CRYBB2: variants seen among roughly 807,000 people sequenced by gnomAD.
CRYBB2 encodes the protein crystallin beta B2.
A neutral mutation model predicts 24.3 loss-of-function variants in CRYBB2; 12 were observed. That is an observed-to-expected ratio of 0.49 (90% CI 0.32 to 0.80). CRYBB2 has a LOEUF of 0.80. CRYBB2 is among the 30% of genes least tolerant of loss of function. The pLI, the probability that CRYBB2 is intolerant of heterozygous loss-of-function variation, is 0.04. For synonymous variants in CRYBB2, 98 were observed against 101.6 expected (o/e 0.96, Z 0.21); for missense variants, 198 against 268.5 (o/e 0.74, Z 1.83).
rs887265137 is a variant in CRYBB2, at chr22:25,231,601, C to A, written c.450-3C>A. 9.3e-6 allele frequency: 15 copies of A among 1,613,954 alleles called. No homozygotes were observed. The highest frequency in any genetic ancestry group is 1.1e-5 in the Non-Finnish European group (13 of 1,179,932). On this transcript the variant is annotated splice_polypyrimidine_tract_variant and splice_region_variant and intron_variant, in intron 5 of 5. Coordinates refer to ENST00000398215, the MANE Select transcript of CRYBB2 (RefSeq NM_000496.3). ...CACCCTCCCATCACCTCTGGCCCTGCAGGTGGGTTGGCTACCAGTACCCCG... is the reference window on the plus strand; with the variant it reads ...CACCCTCCCATCACCTCTGGCCCTGAAGGTGGGTTGGCTACCAGTACCCCG...
intron 5 of CRYBB2, among the ~76,000 whole-genome samples, chr22:25,231,030 C>G (rs932983387): frequency 1.3e-5 from 2 of 152,142 alleles, no homozygotes; most frequent in African/African-American, 4.8e-5. Flanking sequence ...GGCTGGAATG[C>G]AGAGATGTGG....
intron 1 of CRYBB2, among the ~76,000 whole-genome samples, chr22:25,219,871 G>A (rs1290467679): frequency 6.6e-6 from 1 of 152,172 alleles, no homozygotes; most frequent in African/African-American, 2.4e-5. Flanking sequence ...GGATCATCCA[G>A]CACAGTGCCT....
exon 1 of CRYBB2, chr22:25,212,622 G>A (rs76059429): frequency 0.11 from 17,138 of 152,246 alleles, 1,094 homozygotes; most frequent in South Asian, 0.27. Context: ...AAAAGATGCT[G>A]GCTGTGCTTT....
Position 25,224,899 on chromosome 22 carries a change from G to A in CRYBB2, c.55-19G>A. Reference sequence around the variant, plus strand: ...CCTCTTCATCGTGATGAGGGTCTGAGTCTCGCTTCCTCTTGCAGATCATCA... The same window carrying A: ...CCTCTTCATCGTGATGAGGGTCTGAATCTCGCTTCCTCTTGCAGATCATCA... On this transcript the variant is annotated intron_variant, in intron 2 of 5. Transcript: ENST00000398215. 7.4e-7 allele frequency: 1 copy of A among 1,343,572 alleles called. No individual in the cohort carries two copies. Among genetic ancestry groups the A allele is most frequent in the Non-Finnish European group, 1.1e-6 (1 of 932,736 alleles). 83.2% of individuals were successfully genotyped at this position (1,343,572 alleles called of 1,614,324 possible).
intron 3 of CRYBB2, among the ~76,000 whole-genome samples, chr22:25,226,164 T>TTCTC (rs200671614): frequency 1.5e-4 from 16 of 110,182 alleles, no homozygotes; most frequent in Admixed American, 3.1e-4. Flanking sequence ...GAATTTGGAT[T>TTCTC]TCTCTGTGTG....
chr22:25,215,247 C>T (rs758089261), upstream of CRYBB2, among the ~76,000 whole-genome samples: 6 of 152,204 alleles, frequency 3.9e-5, no homozygotes, highest in Admixed American at 6.5e-5. Context: ...ACACCTGGCC[C>T]GCCCATGGTG....
intron 5 of CRYBB2, among the ~76,000 whole-genome samples, chr22:25,231,177 C>T (rs1935524949): frequency 6.6e-6 from 1 of 152,162 alleles, no homozygotes; most frequent in African/African-American, 2.4e-5. Context: ...ACTCTTTCAT[C>T]AGAAGGCCCC....
upstream of CRYBB2, among the ~76,000 whole-genome samples, chr22:25,218,459 C>A (rs1219193457): frequency 6.6e-6 from 1 of 151,394 alleles, no homozygotes; most frequent in Non-Finnish European, 1.5e-5. Context: ...GAGTTTGAGA[C>A]CACCCTGGGC....
At chr22:25,218,688 GA>G (rs757383342), upstream of CRYBB2, among the ~76,000 whole-genome samples, 418 of 69,546 alleles carry the variant, frequency 6.0e-3, 16 homozygotes, top group Non-Finnish European at 6.8e-3. Flanking sequence ...GAGAAAGAAA[GA>G]AAGAGAGAGA....
chr22:25,219,907 G>A (rs1935290131), intron 1 of CRYBB2, among the ~76,000 whole-genome samples: 1 of 152,184 alleles, frequency 6.6e-6, no homozygotes, highest in Admixed American at 6.5e-5. Flanking sequence ...TTGGGGCAAT[G>A]TTCTTTATTA....
chr22:25,224,273 G>A (rs1420454062), intron 2 of CRYBB2, among the ~76,000 whole-genome samples: 1 of 152,110 alleles, frequency 6.6e-6, no homozygotes. Context: ...CCTCCCTTGG[G>A]CTGATGAGAA....
rs1450979441 is a variant in CRYBB2 at position 25,221,386 on chromosome 22, G to C, written c.-26-18G>C. 1 of 1,564,992 alleles carries C rather than the reference G, an allele frequency of 6.4e-7. No individual in the cohort carries two copies. Among genetic ancestry groups the C allele is most frequent in the Non-Finnish European group, 8.8e-7 (1 of 1,135,510 alleles). On this transcript the variant is annotated intron_variant, in intron 1 of 5. Coordinates refer to ENST00000398215, the MANE Select transcript of CRYBB2 (RefSeq NM_000496.3). ...GTGGCCCCTCCAGGTCCTCACTGCT[G>C]CTTCCCATGTCTTCCAGGTCATTCC...
At chr22:25,218,805 A>AG (rs1935260278), upstream of CRYBB2, among the ~76,000 whole-genome samples, 1 of 120,716 alleles carries the variant, frequency 8.3e-6, no homozygotes, top group African/African-American at 3.6e-5. Flanking sequence ...AAAGAAAGAA[A>AG]GAAAGAAAGA....
rs189561690 is a variant in CRYBB2 at position 25,214,199 on chromosome 22, A to G, written c.-27+1359A>G. Among the ~76,000 whole-genome samples, 143 of 152,318 alleles carry G rather than the reference A, an allele frequency of 9.4e-4. 1 individual carries two copies. The highest frequency in any genetic ancestry group is 5.6e-4 in the Non-Finnish European group (38 of 68,024). On this transcript the variant is annotated intron_variant, in intron 1 of 5. Transcript: ENST00000651629. ...AAAAAATTTTTTTAATTAGCTGTGC[A>G]CAGATGTGAAAACCTGTAGTCTGAG...
upstream of CRYBB2, among the ~76,000 whole-genome samples, chr22:25,217,203 C>T (rs1160709561): frequency 1.3e-5 from 2 of 151,438 alleles, no homozygotes. Context: ...TTGAGACAGC[C>T]ACACTGTTTT....
chr22:25,212,923 T>C (rs1935124004), intron 1 of CRYBB2: 1 of 152,224 alleles, frequency 6.6e-6, no homozygotes, highest in African/African-American at 2.4e-5. Context: ...TGAAAATGTC[T>C]AACGCATATT....
intron 5 of CRYBB2, among the ~76,000 whole-genome samples, chr22:25,230,937 A>G (rs1450063261): frequency 6.6e-6 from 1 of 152,142 alleles, no homozygotes; most frequent in Non-Finnish European, 1.5e-5. Flanking sequence ...AGCATCCCAG[A>G]CAACGAGAGC....
chr22:25,228,728 T>C (rs1430494783), intron 4 of CRYBB2, among the ~76,000 whole-genome samples: 3 of 152,240 alleles, frequency 2.0e-5, no homozygotes, highest in Non-Finnish European at 4.4e-5. Flanking sequence ...TGTGCCGCGC[T>C]TTCCTCATCT....
At chr22:25,213,019 GC>G (rs1254089421) in intron 1 of CRYBB2, among the ~76,000 whole-genome samples, 1 of 152,114 alleles carries the variant, frequency 6.6e-6, no homozygotes, top group Non-Finnish European at 1.5e-5. Flanking sequence ...TCTGTTTGAA[GC>G]TTTTACATAC....
Sources: gnomAD v4.1 joint callset for allele counts (sites outside exome capture counted in the v4.1 genomes callset) on GRCh38, gnomAD v4.1.1 for gene constraint, MANE v1.5 for transcripts, NCBI Gene and HGNC (gene_info 2026-07-23, HGNC 2026-07-21) for gene names.